The following PDE4D variants were observed in gnomAD, a reference collection of about 807,000 sequenced individuals.
PDE4D encodes the protein 3',5'-cyclic-AMP phosphodiesterase 4D.
Under a neutral mutation model 87.4 loss-of-function variants are expected in PDE4D, and 24 were observed. The observed-to-expected ratio is 0.27, with a 90% CI of 0.20 to 0.39. The LOEUF is 0.39. Among genes scored for constraint, PDE4D ranks in the 10% least tolerant of loss-of-function variants. PDE4D has a pLI of 1.00. For synonymous variants in PDE4D, 384 were observed against 383.2 expected, an observed-to-expected ratio of 1.00 and a Z score of -0.02; for missense variants, 714 against 1,041.0, an observed-to-expected ratio of 0.69 and a Z score of 4.32.
chr5:60,337,853 T>C (rs1021753073), intron 1 of PDE4D, among the ~76,000 whole-genome samples: 1 of 151,796 alleles, frequency 6.6e-6, no homozygotes, highest in East Asian at 1.9e-4. Context: ...TCTGGAACTA[T>C]AAAGATGAAA....
At chr5:59,735,099 T>G (rs1757899391) in intron 1 of PDE4D, among the ~76,000 whole-genome samples, 1 of 152,202 alleles carries the variant, frequency 6.6e-6, no homozygotes, top group African/African-American at 2.4e-5. Flanking sequence ...TACACTTCAG[T>G]TGGGCCTGTC....
At chr5:59,146,769 A>G (rs764776473) in intron 5 of PDE4D, among the ~76,000 whole-genome samples, 27 of 151,030 alleles carry the variant, frequency 1.8e-4, no homozygotes, top group South Asian at 6.2e-4. Flanking sequence ...ATTTCCTGAG[A>G]AAAAAAATTA....
intron 1 of PDE4D, among the ~76,000 whole-genome samples, chr5:59,584,939 T>C (rs1485607385): frequency 1.3e-5 from 2 of 152,126 alleles, no homozygotes; most frequent in East Asian, 1.9e-4. Flanking sequence ...TTAAAGACTA[T>C]TGATGTAAAT....
At chr5:60,466,482 C>T (rs898171933) in intron 1 of PDE4D, among the ~76,000 whole-genome samples, 4 of 152,148 alleles carry the variant, frequency 2.6e-5, no homozygotes, top group Admixed American at 6.5e-5. Context: ...TAGAATGGCT[C>T]TATTAATCTC....
intron 1 of PDE4D, among the ~76,000 whole-genome samples, chr5:59,582,373 TG>T (rs1824328277): frequency 6.6e-6 from 1 of 152,208 alleles, no homozygotes; most frequent in Non-Finnish European, 1.5e-5. Context: ...ATTGAGTTTC[TG>T]TAATTTCAAT....
chr5:59,104,443 C>T (rs573730650), intron 5 of PDE4D, among the ~76,000 whole-genome samples: 7 of 152,250 alleles, frequency 4.6e-5, no homozygotes, highest in African/African-American at 9.6e-5. Flanking sequence ...CATGATTATA[C>T]GAATCGCAGG....
At position 59,331,159 on chromosome 5, in the gene PDE4D, T is replaced by C. The variant is rs114746260; in HGVS notation, c.456-115191A>G. On this transcript the variant is annotated intron_variant, in intron 1 of 14. Transcript: ENST00000340635. ...CATGAATTTAGTTTATAATATTATT[T>C]CTTAAAATACAAATAATACTTGCTC... Among the ~76,000 whole-genome samples the C allele has an allele frequency of 7.4e-3, 1,133 of 152,336 alleles. 9 individuals are homozygous for C. Among genetic ancestry groups the C allele is most frequent in the Admixed American group, 0.012 (180 of 15,298 alleles).
At chr5:60,166,158 G>C (rs191316780) in intron 2 of PDE4D, among the ~76,000 whole-genome samples, 1 of 152,096 alleles carries the variant, frequency 6.6e-6, no homozygotes, top group South Asian at 2.1e-4. Flanking sequence ...GCAGTGGCAC[G>C]ATCTCAGCTC....
At chr5:59,919,125 A>G (rs1754394875) in intron 3 of PDE4D, among the ~76,000 whole-genome samples, 2 of 152,198 alleles carry the variant, frequency 1.3e-5, no homozygotes, top group South Asian at 4.1e-4. Flanking sequence ...GTTGATTCAA[A>G]TTAAAAAGTA....
chr5:59,280,691 T>C (rs1765641844), intron 1 of PDE4D, among the ~76,000 whole-genome samples: 1 of 152,108 alleles, frequency 6.6e-6, no homozygotes. Context: ...AACTCCAGCA[T>C]TGATTCCTGA....
chr5:59,977,679 AAAC>A (rs1561935784), intron 3 of PDE4D, among the ~76,000 whole-genome samples: 1 of 152,220 alleles, frequency 6.6e-6, no homozygotes, highest in East Asian at 1.9e-4. Context: ...GCACTACACT[AAAC>A]AACAGATTTT....
chr5:59,911,751 A>C (rs867230092), intron 3 of PDE4D, among the ~76,000 whole-genome samples: 8 of 152,308 alleles, frequency 5.3e-5, no homozygotes, highest in Middle Eastern at 6.8e-3. Flanking sequence ...CTTACTGAGA[A>C]CACTTTGGAC....
chr5:59,178,140 G>T (rs1405100853), intron 5 of PDE4D, among the ~76,000 whole-genome samples: 4 of 152,052 alleles, frequency 2.6e-5, no homozygotes, highest in Admixed American at 6.5e-5. Flanking sequence ...CTAGCACTGA[G>T]GTTTTAAGGG....
chr5:60,005,776 T>C (rs903963191), intron 2 of PDE4D, among the ~76,000 whole-genome samples: 1 of 151,904 alleles, frequency 6.6e-6, no homozygotes, highest in Non-Finnish European at 1.5e-5. Flanking sequence ...ACAATAGAGA[T>C]ACAATCAGCA....
intron 1 of PDE4D, among the ~76,000 whole-genome samples, chr5:59,860,515 C>G (rs1746106335): frequency 6.6e-6 from 1 of 152,058 alleles, no homozygotes; most frequent in African/African-American, 2.4e-5. Flanking sequence ...TTAGTGACAA[C>G]ATTTGTGCTA....
At chr5:59,698,775 C>T (rs973192417) in intron 1 of PDE4D, among the ~76,000 whole-genome samples, 3 of 152,168 alleles carry the variant, frequency 2.0e-5, no homozygotes. Flanking sequence ...CGCTGAAGAC[C>T]TAAGTCAATA....
chr5:60,393,480 C>T (rs138494322), intron 1 of PDE4D, among the ~76,000 whole-genome samples: 17 of 152,246 alleles, frequency 1.1e-4, no homozygotes, highest in Non-Finnish European at 2.1e-4. Context: ...AAAAAGAACT[C>T]TATAAGTAGC....
chr5:59,462,238 CTTCA>C (rs140092916), intron 1 of PDE4D, among the ~76,000 whole-genome samples: 2,997 of 152,042 alleles, frequency 0.02, 98 homozygotes, highest in African/African-American at 0.069. Flanking sequence ...TTATTTTAGT[CTTCA>C]TTATCTTATT....
intron 1 of PDE4D, among the ~76,000 whole-genome samples, chr5:59,609,296 A>G (rs1828658142): frequency 6.6e-6 from 1 of 151,830 alleles, no homozygotes; most frequent in South Asian, 2.1e-4. Flanking sequence ...TGCCCCTTTG[A>G]AGTTAGGCAT....
Sources: allele counts gnomAD v4.1 joint callset (sites outside exome capture counted in the v4.1 genomes callset), GRCh38; gene constraint gnomAD v4.1.1; transcripts MANE v1.5; gene names NCBI Gene and HGNC (gene_info 2026-07-23, HGNC 2026-07-21).